OXSR1: variants seen among roughly 807,000 people sequenced by gnomAD.
OXSR1 encodes serine/threonine-protein kinase OSR1.
OXSR1 carries 24 observed loss-of-function variants against 79.8 expected under a neutral mutation model. That is an observed-to-expected ratio of 0.30 (90% CI 0.22 to 0.42). The LOEUF (loss-of-function observed/expected upper bound fraction) is 0.42, where lower values mean the gene tolerates loss of function less well. Among genes scored for constraint, OXSR1 ranks in the 10% least tolerant of loss-of-function variants. The pLI is 1.00. For missense variants in OXSR1, 430 were observed against 618.4 expected (o/e 0.70, Z 3.23); for synonymous variants, 226 against 209.2 (o/e 1.08, Z -0.69).
At chr3:38,183,595 A>AT (rs1701827455) in intron 2 of OXSR1, among the ~76,000 whole-genome samples, 1 of 152,136 alleles carries the variant, frequency 6.6e-6, no homozygotes, top group Non-Finnish European at 1.5e-5. Flanking sequence ...TGGAATTGTG[A>AT]TTCCTGGGTC....
At chr3:38,187,903 T>C (rs1701912882) in intron 2 of OXSR1, among the ~76,000 whole-genome samples, 1 of 152,164 alleles carries the variant, frequency 6.6e-6, no homozygotes, top group African/African-American at 2.4e-5. Flanking sequence ...GAATTCACTT[T>C]ATAGGTGGTT....
chr3:38,181,963 C>G (rs1044746638), intron 1 of OXSR1, among the ~76,000 whole-genome samples: 1 of 151,944 alleles, frequency 6.6e-6, no homozygotes, highest in Non-Finnish European at 1.5e-5. Flanking sequence ...TTAGATGATC[C>G]TCTTGCCTCA....
rs757572983 is a variant in OXSR1 at position 38,254,233 on chromosome 3, G to A, written c.*1342G>A. The stretch of plus-strand genomic sequence containing the variant: ...AGAGTTGCCCTTTACAGAATCACTC[G>A]AGCCCTTTCCAGCACTGTTGGTCTG... On this transcript the variant is annotated 3_prime_UTR_variant, in exon 18 of 18. Transcript: ENST00000311806. 9 of 398,870 alleles carry A rather than the reference G, an allele frequency of 2.3e-5. No individual in the cohort carries two copies. The highest frequency in any genetic ancestry group is 6.3e-4 in the Middle Eastern group (1 of 1,588). The allele number at this position is 398,870 out of a possible 1,614,324, so 24.7% of individuals were successfully genotyped here. A position where few individuals can be genotyped will look rare whatever the true frequency, so the allele number is the denominator to read the frequency against.
intron 11 of OXSR1, among the ~76,000 whole-genome samples, chr3:38,239,346 A>G (rs1269744343): frequency 6.6e-6 from 1 of 152,080 alleles, no homozygotes; most frequent in Admixed American, 6.6e-5. Context: ...TTGCTTGCTG[A>G]CAATTTTGTA....
chr3:38,248,338 G>GCCCCCCCCCC (rs34969862), intron 14 of OXSR1, among the ~76,000 whole-genome samples: 2 of 69,610 alleles, frequency 2.9e-5, no homozygotes, highest in African/African-American at 1.1e-4. Flanking sequence ...TCCCTGCCCC[G>GCCCCCCCCCC]CCCCCCCCGC....
Position 38,247,377 on chromosome 3 carries a change from G to A in OXSR1, c.1258-291G>A, listed in dbSNP as rs747976951. Among the ~76,000 whole-genome samples, 37 of 152,118 alleles carry A rather than the reference G, an allele frequency of 2.4e-4. 1 individual carries two copies. The highest frequency in any genetic ancestry group is 2.2e-4 in the Non-Finnish European group (15 of 68,012). ...GCTTTGTGTTTTTCAGTCTTGTAGA[G>A]GGGAACAGGGGTCTCAGAAATATAA... On this transcript the variant is annotated intron_variant, in intron 13 of 17. Coordinates refer to ENST00000311806, the MANE Select transcript of OXSR1 (RefSeq NM_005109.3).
chr3:38,248,359 A>G (rs1703188802), intron 14 of OXSR1, among the ~76,000 whole-genome samples: 3 of 87,614 alleles, frequency 3.4e-5, no homozygotes, highest in Non-Finnish European at 2.1e-5. Flanking sequence ...CCCTAGCACT[A>G]GTAGCTGGAT....
At chr3:38,200,661 A>T (rs919674760) in intron 4 of OXSR1, among the ~76,000 whole-genome samples, 5 of 152,190 alleles carry the variant, frequency 3.3e-5, no homozygotes, top group Non-Finnish European at 5.9e-5. Context: ...TTTGTTCCTG[A>T]GTTCAGATTC....
At chr3:38,164,231 C>A (rs1701378950), upstream of OXSR1, among the ~76,000 whole-genome samples, 1 of 152,122 alleles carries the variant, frequency 6.6e-6, no homozygotes, top group Non-Finnish European at 1.5e-5. Context: ...GTGGCATGCT[C>A]TCGGGTCACT....
At chr3:38,198,893 A>G (rs1315486844) in intron 4 of OXSR1, 30 bp downstream of exon 4, 4 of 1,589,304 alleles carry the variant, frequency 2.5e-6, no homozygotes, top group Middle Eastern at 3.3e-4. Flanking sequence ...CTTGTGTTAC[A>G]TCATCTCATT....
chr3:38,174,597 A>AACAC (rs1283724694), intron 1 of OXSR1, among the ~76,000 whole-genome samples: 1 of 152,184 alleles, frequency 6.6e-6, no homozygotes, highest in African/African-American at 2.4e-5. Flanking sequence ...CAAACAAACA[A>AACAC]ACACCTCAGG....
At chr3:38,210,277 C>G (rs148662038) in intron 4 of OXSR1, among the ~76,000 whole-genome samples, 118 of 152,220 alleles carry the variant, frequency 7.8e-4, no homozygotes, top group African/African-American at 1.3e-3. Flanking sequence ...CAGTTCCCCC[C>G]CAAGGTGAGA....
chr3:38,164,903 G>T (rs889381943), upstream of OXSR1, among the ~76,000 whole-genome samples: 4 of 152,042 alleles, frequency 2.6e-5, no homozygotes, highest in Non-Finnish European at 5.9e-5. Context: ...GTTTCACTCC[G>T]ACCAGTGGCC....
intron 3 of OXSR1, chr3:38,193,153 TA>T: frequency 3.7e-6 from 2 of 541,486 alleles, no homozygotes; most frequent in Non-Finnish European, 6.2e-6. Context: ...ATGATACATG[TA>T]AATCATCCAC....
At chr3:38,170,809 G>T (rs1701566712) in intron 1 of OXSR1, among the ~76,000 whole-genome samples, 1 of 152,128 alleles carries the variant, frequency 6.6e-6, no homozygotes, top group African/African-American at 2.4e-5. Flanking sequence ...TCTGAGAAGG[G>T]TCTCACTCTG....
Position 38,223,886 on chromosome 3 carries a change from T to C in OXSR1, c.675T>C (p.Ala225=). 6.2e-7 allele frequency: 1 copy of C among 1,604,308 alleles called. No homozygotes were observed. Among genetic ancestry groups the C allele is most frequent in the East Asian group, 2.3e-5 (1 of 44,354 alleles). The change falls in exon 7 of 18, where the codon GCT becomes GCC. Residue 225 remains alanine, a synonymous_variant. Transcript: ENST00000311806. ...CAATTGAATTGGCTACAGGGGCGGC[T>C]CCTTATCATAAATATCCACCAATGA... ...ITAIELATGA[A]PYHKYPPMKV...
chr3:38,185,973 A>G (rs1369309825), intron 2 of OXSR1, among the ~76,000 whole-genome samples: 2 of 150,330 alleles, frequency 1.3e-5, no homozygotes, highest in Admixed American at 6.6e-5. Context: ...AAAAAAAAAA[A>G]AAAAGTCATG....
At position 38,248,872 on chromosome 3, in the gene OXSR1, T is replaced by C. The variant is rs1168425335; in HGVS notation, c.1323-1094T>C. On this transcript the variant is annotated intron_variant, in intron 14 of 17. Coordinates refer to ENST00000311806, the MANE Select transcript of OXSR1 (RefSeq NM_005109.3). ...AAATGTATTAAGCACAGACTATGTA[T>C]AGCACTCTTCGGTACTGTGGAAAGG... Among the ~76,000 whole-genome samples, 5 of 152,302 alleles carry C rather than the reference T, an allele frequency of 3.3e-5. 1 individual carries two copies. In the South Asian group the frequency reaches 6.2e-4, roughly 19 times the overall value.
At chr3:38,194,986 T>A (rs1702048840) in intron 3 of OXSR1, among the ~76,000 whole-genome samples, 1 of 152,152 alleles carries the variant, frequency 6.6e-6, no homozygotes, top group Admixed American at 6.5e-5. Flanking sequence ...TTAAAATAAG[T>A]TTAATTGTGT....
Sources: allele counts gnomAD v4.1 joint callset (sites outside exome capture counted in the v4.1 genomes callset), GRCh38; gene constraint gnomAD v4.1.1; transcripts MANE v1.5; gene names NCBI Gene and HGNC (gene_info 2026-07-23, HGNC 2026-07-21).